Variants in ULK2 observed in about 807,000 individuals in gnomAD.
The protein encoded by ULK2 is unc-51 like autophagy activating kinase 2, also known as serine/threonine-protein kinase ULK2.
Under a neutral mutation model 127.5 loss-of-function variants are expected in ULK2, and 76 were observed. That is an observed-to-expected ratio of 0.60 (90% confidence interval 0.50 to 0.72). The LOEUF (loss-of-function observed/expected upper bound fraction) is 0.72. ULK2 is among the 30% of genes least tolerant of loss of function. The pLI, the probability that ULK2 is intolerant of heterozygous loss-of-function variation, is 0.00. For synonymous variants in ULK2, 452 were observed against 461.9 expected (o/e 0.98, Z 0.28); for missense variants, 1,144 against 1,295.9 (o/e 0.88, Z 1.80).
intron 10 of ULK2, 148 bp from the exon 11 acceptor site, chr17:19,826,334 C>A: frequency 2.8e-6 from 1 of 354,920 alleles, no homozygotes; most frequent in Non-Finnish European, 5.4e-6. Context: ...AATGTAAAAG[C>A]GTATTTTTTA....
chr17:19,782,162 T>C (rs2086933590), intron 22 of ULK2, 95 bp from the exon 23 acceptor site: 2 of 1,247,602 alleles, frequency 1.6e-6, no homozygotes, highest in Non-Finnish European at 2.2e-6. Context: ...TCATGTTTTC[T>C]ATACTTATGA....
chr17:19,781,939 G>A lies in ULK2; in HGVS notation c.2589C>T (p.Ile863=), dbSNP rs1272566924. Reference sequence around the variant, plus strand: ...TCTGGTCCACCACCACACTCTCCTGGATCTGGTACAAGGACACAGCAGATG... The same window carrying A: ...TCTGGTCCACCACCACACTCTCCTGAATCTGGTACAAGGACACAGCAGATG... ...LCTSAVSLYQ[I]QESVVVDQIS... Residue 863 remains isoleucine, a synonymous_variant, in exon 23 of 27, where the codon ATC becomes ATT. Coordinates refer to ENST00000395544, the MANE Select transcript of ULK2 (RefSeq NM_014683.4). 6.8e-6 allele frequency: 11 copies of A among 1,614,148 alleles called. No homozygotes were observed. Among genetic ancestry groups the A allele is most frequent in the Non-Finnish European group, 9.3e-6 (11 of 1,180,032 alleles).
chr17:19,865,533 T>A (rs2042334165), intron 2 of ULK2, among the ~76,000 whole-genome samples: 1 of 152,172 alleles, frequency 6.6e-6, no homozygotes, highest in Non-Finnish European at 1.5e-5. Context: ...AACTCAGTCT[T>A]CACAGAATCC....
chr17:19,852,518 C>CAA (rs1241027121), intron 3 of ULK2, among the ~76,000 whole-genome samples: 10 of 54,378 alleles, frequency 1.8e-4, no homozygotes, highest in African/African-American at 3.0e-4. Flanking sequence ...GACTCCATCT[C>CAA]AAAAAAAAAA....
chr17:19,803,192 C>G (rs1051748964), intron 15 of ULK2, among the ~76,000 whole-genome samples: 1 of 152,046 alleles, frequency 6.6e-6, no homozygotes. Flanking sequence ...TATGACAAAG[C>G]AGCTAGCTCA....
At chr17:19,795,920 G>A (rs2087259226) in intron 19 of ULK2, among the ~76,000 whole-genome samples, 175 bp downstream of exon 19, 2 of 152,172 alleles carry the variant, frequency 1.3e-5, no homozygotes, top group South Asian at 4.1e-4. Flanking sequence ...TACTTACATA[G>A]TTACAGGAAG....
chr17:19,838,611 T>C, intron 9 of ULK2, 28 bp from the exon 10 acceptor site: 1 of 1,582,584 alleles, frequency 6.3e-7, no homozygotes, highest in Non-Finnish European at 8.6e-7. Context: ...CACAACCACC[T>C]AAGTGATAAG....
rs772533077 is a variant in ULK2 at position 19,846,848 on chromosome 17, G to T, written c.358C>A (p.Arg120=). The change falls in exon 6 of 27, where the codon CGA becomes AGA. Residue 120 remains arginine, a synonymous_variant. Coordinates refer to ENST00000395544, the MANE Select transcript of ULK2 (RefSeq NM_014683.4). The part of the protein sequence containing the change: ...VFLHQIAAAM[R]ILHSKGIIHR... Reference sequence around the variant, plus strand: ...ATGATTCCTTTGCTGTGCAGGATTCGCATGGCAGCAGCAATCTGATGCAGA... The same window carrying T: ...ATGATTCCTTTGCTGTGCAGGATTCTCATGGCAGCAGCAATCTGATGCAGA... 1.2e-6 allele frequency: 2 copies of T among 1,613,838 alleles called. No individual in the cohort carries two copies. The highest frequency in any genetic ancestry group is 1.7e-6 in the Non-Finnish European group (2 of 1,179,918).
intron 10 of ULK2, among the ~76,000 whole-genome samples, chr17:19,828,889 G>C (rs146335744): frequency 1.3e-5 from 2 of 152,258 alleles, no homozygotes; most frequent in Admixed American, 1.3e-4. Context: ...AGGAATTCAA[G>C]ACCAGCCTGG....
At chr17:19,786,111 T>G (rs1457004314) in intron 20 of ULK2, 25 bp from the exon 21 acceptor site, 2 of 1,556,844 alleles carry the variant, frequency 1.3e-6, no homozygotes, top group Middle Eastern at 1.7e-4. Context: ...TTATAGAAGG[T>G]CATATTACCC....
chr17:19,863,691 A>C (rs937159199), intron 3 of ULK2, among the ~76,000 whole-genome samples: 6 of 151,848 alleles, frequency 4.0e-5, no homozygotes, highest in Non-Finnish European at 8.8e-5. Context: ...GGATTTTTTA[A>C]CATAATATGG....
intron 3 of ULK2, among the ~76,000 whole-genome samples, chr17:19,854,116 A>G (rs1010690101): frequency 6.6e-6 from 1 of 151,998 alleles, no homozygotes; most frequent in African/African-American, 2.4e-5. Flanking sequence ...CATCTCTACT[A>G]AAAACACAAA....
intron 10 of ULK2, among the ~76,000 whole-genome samples, chr17:19,836,047 A>G (rs1313281458): frequency 6.6e-6 from 1 of 151,356 alleles, no homozygotes; most frequent in Non-Finnish European, 1.5e-5. Context: ...CAGGTGGATC[A>G]CCTGAGGCCA....
chr17:19,826,230 TA>T (rs776394866), intron 10 of ULK2, 44 bp from the exon 11 acceptor site: 1 of 1,226,616 alleles, frequency 8.2e-7, no homozygotes, highest in South Asian at 1.9e-5. Flanking sequence ...AGACATTGAC[TA>T]AACTATCAAC....
intron 3 of ULK2, among the ~76,000 whole-genome samples, chr17:19,852,044 CA>C (rs201031615): frequency 0.13 from 6,461 of 49,198 alleles, 176 homozygotes; most frequent in East Asian, 0.37. Flanking sequence ...GACTCCATCT[CA>C]AAAAAAAAAA....
chr17:19,858,906 G>A (rs947155938), intron 3 of ULK2, among the ~76,000 whole-genome samples: 3 of 152,004 alleles, frequency 2.0e-5, no homozygotes, highest in Non-Finnish European at 2.9e-5. Flanking sequence ...GAAGGCAGAG[G>A]TTGCAGTGAG....
chr17:19,825,022 T>C, intron 12 of ULK2, 72 bp downstream of exon 12: 1 of 1,337,666 alleles, frequency 7.5e-7, no homozygotes, highest in Non-Finnish European at 1.1e-6. Context: ...CCACAGTGTA[T>C]GTGCATGCTC....
chr17:19,837,723 T>C (rs1224940201), intron 10 of ULK2, among the ~76,000 whole-genome samples: 1 of 152,212 alleles, frequency 6.6e-6, no homozygotes, highest in Non-Finnish European at 1.5e-5. Flanking sequence ...CAGTGAATGC[T>C]GTTGCCTCTA....
chr17:19,846,968 T>A (rs1356358155), intron 5 of ULK2, 58 bp from the exon 6 acceptor site: 6 of 1,500,216 alleles, frequency 4.0e-6, no homozygotes, highest in Non-Finnish European at 5.4e-6. Flanking sequence ...ACCATCTGCA[T>A]ATTCCATCAA....
Sources: allele counts gnomAD v4.1 joint callset (sites outside exome capture counted in the v4.1 genomes callset), GRCh38; gene constraint gnomAD v4.1.1; transcripts MANE v1.5; gene names NCBI Gene and HGNC (gene_info 2026-07-23, HGNC 2026-07-21).